The following TBC1D19 variants were observed in gnomAD, a reference collection of about 807,000 sequenced individuals.
The protein encoded by TBC1D19 is TBC1 domain family member 19.
Under a neutral mutation model 89.0 loss-of-function variants are expected in TBC1D19, and 60 were observed. That is an observed-to-expected ratio of 0.67 (90% CI 0.55 to 0.84). The LOEUF is 0.84. Among genes scored for constraint, TBC1D19 ranks in the 40% least tolerant of loss-of-function variants. The probability of loss-of-function intolerance (pLI) is 0.00; values close to 1 mark genes in which losing one functional copy is unlikely to be tolerated. For synonymous variants in TBC1D19, 189 were observed against 199.7 expected (o/e 0.95, Z 0.45); for missense variants, 500 against 610.8 (o/e 0.82, Z 1.91).
At chr4:26,707,952 A>G (rs1715863576) in intron 13 of TBC1D19, among the ~76,000 whole-genome samples, 1 of 152,118 alleles carries the variant, frequency 6.6e-6, no homozygotes, top group South Asian at 2.1e-4. Context: ...CAAAGTTACA[A>G]TAATACTGAT....
intron 4 of TBC1D19, among the ~76,000 whole-genome samples, chr4:26,635,814 A>G (rs1743084491): frequency 6.6e-6 from 1 of 152,074 alleles, no homozygotes; most frequent in South Asian, 2.1e-4. Context: ...AAAAGTTTTA[A>G]TGGAGGAAGG....
chr4:26,836,153 G>A, the TBC1D19 span, among the ~76,000 whole-genome samples: 4 of 152,090 alleles, frequency 2.6e-5, no homozygotes, highest in African/African-American at 9.7e-5. Flanking sequence ...TATGTGCCCT[G>A]ACACTTCGAC....
intron 17 of TBC1D19, among the ~76,000 whole-genome samples, chr4:26,741,621 C>T (rs1718379897): frequency 6.6e-6 from 1 of 151,046 alleles, no homozygotes. Context: ...CCAGGCCTGC[C>T]TCTGTCCTTT....
intron 1 of TBC1D19, among the ~76,000 whole-genome samples, chr4:26,592,972 G>A (rs1357889817): frequency 1.3e-5 from 2 of 151,658 alleles, no homozygotes; most frequent in African/African-American, 4.8e-5. Flanking sequence ...TTTCTTCACA[G>A]AATTGGAAAA....
intron 12 of TBC1D19, among the ~76,000 whole-genome samples, chr4:26,686,094 A>G (rs1713785841): frequency 6.6e-6 from 1 of 152,192 alleles, no homozygotes; most frequent in Admixed American, 6.5e-5. Flanking sequence ...CACTCCAAAC[A>G]TTATTGAAGT....
the TBC1D19 span, among the ~76,000 whole-genome samples, chr4:26,812,611 T>C: frequency 5.9e-5 from 9 of 152,262 alleles, no homozygotes; most frequent in East Asian, 1.7e-3. This position sits in a 1 kb window ranked among gnomAD's most constrained non-coding sequence, Gnocchi z 4.2. Context: ...TAACTACCAG[T>C]GTGCTTACTA....
intron 13 of TBC1D19, among the ~76,000 whole-genome samples, chr4:26,696,770 A>T (rs1278935551): frequency 6.6e-6 from 1 of 152,234 alleles, no homozygotes; most frequent in African/African-American, 2.4e-5. Context: ...TGGGTACATA[A>T]CGAAATGAAG....
Position 26,673,446 on chromosome 4 carries a change from T to TATACACACACAC in TBC1D19, c.704-329_704-328insTACACACACACA, listed in dbSNP as rs373807642. 7.7e-3 allele frequency among the ~76,000 whole-genome samples: 699 copies of TATACACACACAC among 90,844 alleles called. 2 individuals carry two copies. The highest frequency in any genetic ancestry group is 0.011 in the African/African-American group (257 of 23,506). The allele number at this position is 90,844 out of a possible 152,430, so 59.6% of individuals were successfully genotyped here. ...TTTCATATATATATATATATATATA[T>TATACACACACAC]ACACACACACACACACACACACACA... On this transcript the variant is annotated intron_variant, in intron 10 of 20. Coordinates refer to ENST00000264866, the MANE Select transcript of TBC1D19 (RefSeq NM_018317.4).
chr4:26,589,168 G>A lies in TBC1D19; in HGVS notation c.99+4876G>A, dbSNP rs367685533. On this transcript the variant is annotated intron_variant, in intron 1 of 20. Coordinates refer to ENST00000264866, the MANE Select transcript of TBC1D19 (RefSeq NM_018317.4). ...TGCATTCCTGTAATCCCAACTACTC[G>A]GGAAGCTGAGGCAGGAGAATTGCTT... Among the ~76,000 whole-genome samples the A allele has an allele frequency of 4.6e-5, 7 of 152,096 alleles. No homozygotes were observed. In the South Asian group the frequency reaches 1.2e-3, roughly 27 times the overall value.
chr4:26,623,501 G>A (rs537170691), intron 4 of TBC1D19, among the ~76,000 whole-genome samples: 9 of 152,176 alleles, frequency 5.9e-5, no homozygotes, highest in African/African-American at 2.2e-4. Flanking sequence ...GAATATTCAG[G>A]TTATCTCATT....
chr4:26,743,157 C>A (rs543696544), intron 18 of TBC1D19, among the ~76,000 whole-genome samples: 3 of 151,938 alleles, frequency 2.0e-5, no homozygotes, highest in African/African-American at 7.2e-5. Flanking sequence ...ATTATTGGTT[C>A]TATCTCTCTC....
At chr4:26,641,072 G>A (rs1358262483) in intron 7 of TBC1D19, among the ~76,000 whole-genome samples, 2 of 152,228 alleles carry the variant, frequency 1.3e-5, no homozygotes, top group Non-Finnish European at 2.9e-5. Flanking sequence ...CAGTGTTTGA[G>A]CTCTGAGAAC....
the TBC1D19 span, among the ~76,000 whole-genome samples, chr4:26,780,449 A>G: frequency 6.6e-6 from 1 of 152,192 alleles, no homozygotes; most frequent in Non-Finnish European, 1.5e-5. Flanking sequence ...GAAAGAGGCA[A>G]TGTGGCTCAG....
At chr4:26,650,194 G>A (rs1744265870) in intron 7 of TBC1D19, among the ~76,000 whole-genome samples, 1 of 151,960 alleles carries the variant, frequency 6.6e-6, no homozygotes, top group African/African-American at 2.4e-5. Context: ...TGTCTTTATA[G>A]CAGCATGATT....
chr4:26,838,339 T>G, the TBC1D19 span, among the ~76,000 whole-genome samples: 1 of 152,226 alleles, frequency 6.6e-6, no homozygotes, highest in East Asian at 1.9e-4. Context: ...CTGAAAGTAT[T>G]TATTAGTGTC....
At chr4:26,813,309 A>C in the TBC1D19 span, among the ~76,000 whole-genome samples, 5 of 152,190 alleles carry the variant, frequency 3.3e-5, no homozygotes, top group Non-Finnish European at 7.3e-5. Context: ...CTTTTGAAAA[A>C]TAGAAAACTG....
At chr4:26,594,241 C>T (rs1740037590) in intron 1 of TBC1D19, among the ~76,000 whole-genome samples, 1 of 151,914 alleles carries the variant, frequency 6.6e-6, no homozygotes, top group Non-Finnish European at 1.5e-5. Flanking sequence ...ATCGCATGGA[C>T]AAAAAACCAA....
At chr4:26,790,266 C>T in the TBC1D19 span, among the ~76,000 whole-genome samples, 2 of 152,236 alleles carry the variant, frequency 1.3e-5, no homozygotes, top group South Asian at 2.1e-4. Context: ...TGAGGCCCTG[C>T]GGGATGATGG....
At chr4:26,652,831 T>C (rs1044160986) in intron 7 of TBC1D19, among the ~76,000 whole-genome samples, 7 of 152,166 alleles carry the variant, frequency 4.6e-5, no homozygotes, top group African/African-American at 1.4e-4. Context: ...CCTGGATTCA[T>C]TGGTTTTTTG....
Sources: gnomAD v4.1 joint callset for allele counts (sites outside exome capture counted in the v4.1 genomes callset) on GRCh38, gnomAD v4.1.1 for gene constraint, Gnocchi (gnomAD v3.1) non-coding constraint, MANE v1.5 for transcripts, NCBI Gene and HGNC (gene_info 2026-07-23, HGNC 2026-07-21) for gene names.